The following ERBB4 variants were observed in gnomAD, a reference collection of about 807,000 sequenced individuals.
The protein encoded by ERBB4 is receptor tyrosine-protein kinase erbB-4.
In ERBB4, 42 loss-of-function variants were observed where a neutral mutation model predicts 158.0. That is an observed-to-expected ratio of 0.27 (90% confidence interval 0.21 to 0.34). The LOEUF is 0.34. ERBB4 is among the 10% of genes least tolerant of loss of function. ERBB4 has a pLI of 1.00. For missense variants in ERBB4, 1,333 were observed against 1,624.1 expected (o/e 0.82, Z 3.08); for synonymous variants, 583 against 558.7 (o/e 1.04, Z -0.61).
intron 2 of ERBB4, among the ~76,000 whole-genome samples, chr2:212,103,824 G>C (rs1240998284): frequency 6.6e-6 from 1 of 151,834 alleles, no homozygotes; most frequent in Admixed American, 6.6e-5. Flanking sequence ...CATTCTGAAT[G>C]TTAAGAACTG....
At chr2:212,431,564 T>G (rs1340258541) in intron 1 of ERBB4, among the ~76,000 whole-genome samples, 2 of 152,142 alleles carry the variant, frequency 1.3e-5, no homozygotes, top group African/African-American at 4.8e-5. Context: ...CCTCATTGAA[T>G]GTATATCAGA....
chr2:212,341,751 A>C (rs2135158), intron 1 of ERBB4, among the ~76,000 whole-genome samples: 149,774 of 152,246 alleles, frequency 0.98, 73,728 homozygotes, highest in Middle Eastern at 1. Flanking sequence ...TCAAACTGGT[A>C]AGAATCTATC....
chr2:211,825,440 T>C (rs1196624173), intron 3 of ERBB4, among the ~76,000 whole-genome samples: 3 of 151,844 alleles, frequency 2.0e-5, no homozygotes, highest in African/African-American at 7.2e-5. Flanking sequence ...ATTTTTTGTC[T>C]CTTCTGACTT....
At chr2:211,750,228 T>C (rs941014597) in intron 5 of ERBB4, among the ~76,000 whole-genome samples, 4 of 152,194 alleles carry the variant, frequency 2.6e-5, no homozygotes, top group Non-Finnish European at 4.4e-5. Context: ...AGTGGGTACA[T>C]AGTACCCTTT....
At chr2:212,016,601 C>G (rs868156356) in intron 2 of ERBB4, among the ~76,000 whole-genome samples, 1 of 151,876 alleles carries the variant, frequency 6.6e-6, no homozygotes, top group Non-Finnish European at 1.5e-5. Context: ...TTGGTTTTTA[C>G]TTGATTTCAA....
chr2:211,741,029 C>T (rs1470872432), intron 5 of ERBB4, among the ~76,000 whole-genome samples: 1 of 152,140 alleles, frequency 6.6e-6, no homozygotes, highest in Non-Finnish European at 1.5e-5. Flanking sequence ...ATTCTCAAAC[C>T]GTTAGAGTGG....
At chr2:211,416,333 G>GA (rs892771627) in intron 25 of ERBB4, among the ~76,000 whole-genome samples, 5 of 151,380 alleles carry the variant, frequency 3.3e-5, no homozygotes, top group Admixed American at 6.6e-5. Context: ...AAAAAAGAAA[G>GA]AAAAAAAACC....
chr2:212,399,710 C>CA lies in ERBB4; in HGVS notation c.82+138738dup, dbSNP rs774502441. 4.4e-3 allele frequency among the ~76,000 whole-genome samples: 471 copies of CA among 106,506 alleles called. 30 individuals are homozygous for CA. The highest frequency in any genetic ancestry group is 6.7e-3 in the Non-Finnish European group (347 of 51,974). The allele number at this position is 106,506 out of a possible 152,430, so 69.9% of individuals were successfully genotyped here. On this transcript the variant is annotated intron_variant, in intron 1 of 27. Transcript: ENST00000342788. ...TGAAACCCCGTCTCTACTAAAAATA[C>CA]AAAAAAAAAAAAAAAATTAGCCTGC...
intron 1 of ERBB4, among the ~76,000 whole-genome samples, chr2:212,248,151 T>C (rs1356756378): frequency 2.6e-5 from 4 of 152,042 alleles, no homozygotes; most frequent in Non-Finnish European, 4.4e-5. Context: ...ATAATTAAAA[T>C]AATTTAAAAT....
At chr2:212,416,684 G>T (rs1361735061) in intron 1 of ERBB4, among the ~76,000 whole-genome samples, 37 of 152,114 alleles carry the variant, frequency 2.4e-4, no homozygotes, top group Admixed American at 2.4e-3. Flanking sequence ...TAGCACTGCA[G>T]TACATTACTG....
In ERBB4 at chr2:211,906,756, C is replaced by T. The variant is rs1457873546; in HGVS notation, c.421+40674G>A. 4.0e-5 allele frequency among the ~76,000 whole-genome samples: 6 copies of T among 151,554 alleles called. No homozygotes were observed. In the Admixed American group the frequency reaches 4.0e-4, roughly 10 times the overall value. On this transcript the variant is annotated intron_variant, in intron 3 of 27. Transcript: ENST00000342788. ...TGTCTGTTATTCCCCTCTTTGTGTC[C>T]ATGTGTCCTCATCACTTAGCTCCCA...
chr2:211,433,999 G>T (rs1262349397), intron 20 of ERBB4, among the ~76,000 whole-genome samples: 1 of 152,146 alleles, frequency 6.6e-6, no homozygotes, highest in South Asian at 2.1e-4. Context: ...ATACTATAAA[G>T]AGGATAATAT....
intron 15 of ERBB4, among the ~76,000 whole-genome samples, chr2:211,664,126 G>A (rs2071530140): frequency 6.6e-6 from 1 of 152,182 alleles, no homozygotes; most frequent in African/African-American, 2.4e-5. Flanking sequence ...ACTTCACAGA[G>A]TGAGTTAAGC....
At chr2:211,573,059 A>C (rs2067779369) in intron 19 of ERBB4, among the ~76,000 whole-genome samples, 6 of 152,182 alleles carry the variant, frequency 3.9e-5, no homozygotes, top group Admixed American at 3.3e-4. Context: ...TAATTAAATT[A>C]AGGATTCTGA....
chr2:211,947,639 C>T (rs776651925), intron 2 of ERBB4, 23 bp from the exon 3 acceptor site: 11 of 1,607,588 alleles, frequency 6.8e-6, no homozygotes, highest in Non-Finnish European at 9.4e-6. Flanking sequence ...AAACAGTTGC[C>T]TGTGTTATAA....
intron 3 of ERBB4, among the ~76,000 whole-genome samples, chr2:211,857,269 CAGTCACACTT>C (rs1479399917): frequency 6.7e-6 from 1 of 149,862 alleles, no homozygotes; most frequent in Non-Finnish European, 1.5e-5. Context: ...AAATAGTTGG[CAGTCACACTT>C]AAATTCCTCC....
chr2:212,501,627 C>A (rs1389327708), intron 1 of ERBB4, among the ~76,000 whole-genome samples: 1 of 152,060 alleles, frequency 6.6e-6, no homozygotes, highest in Non-Finnish European at 1.5e-5. Context: ...GAAAATCATA[C>A]CTGTCTTGAA....
intron 4 of ERBB4, among the ~76,000 whole-genome samples, chr2:211,784,855 A>G (rs2076119499): frequency 6.6e-6 from 1 of 152,074 alleles, no homozygotes; most frequent in African/African-American, 2.4e-5. Context: ...TTCTCTAATG[A>G]TTAGTAATGT....
Position 211,379,376 on chromosome 2 carries a change from C to A in ERBB4, c.*4239G>T, listed in dbSNP as rs1559107373. On this transcript the variant is annotated 3_prime_UTR_variant, in exon 28 of 28. Transcript: ENST00000342788. Reference sequence around the variant, plus strand: ...TAAAAAAATAAATAAATACAATTTTCTTTACATTTAAAAAGTGATAAAGGA... The same window carrying A: ...TAAAAAAATAAATAAATACAATTTTATTTACATTTAAAAAGTGATAAAGGA... The A allele has an allele frequency of 4.4e-6, 1 of 228,018 alleles. No individual in the cohort carries two copies. Among genetic ancestry groups the A allele is most frequent in the East Asian group, 6.3e-5 (1 of 15,838 alleles). The allele number at this position is 228,018 out of a possible 1,614,324, so 14.1% of individuals were successfully genotyped here. A position where few individuals can be genotyped will look rare whatever the true frequency, so the allele number is the denominator to read the frequency against.
Sources: gnomAD v4.1 joint callset for allele counts (sites outside exome capture counted in the v4.1 genomes callset) on GRCh38, gnomAD v4.1.1 for gene constraint, MANE v1.5 for transcripts, NCBI Gene and HGNC (gene_info 2026-07-23, HGNC 2026-07-21) for gene names.